The following IFT140 variants were observed in gnomAD, a reference collection of about 807,000 sequenced individuals.
IFT140 encodes intraflagellar transport 140, also known as intraflagellar transport protein 140 homolog.
Under a neutral mutation model 164.6 loss-of-function variants are expected in IFT140, and 133 were observed. The ratio of observed to expected loss-of-function variants is 0.81; its 90% CI spans 0.70 to 0.93. IFT140 has a LOEUF of 0.93. Among genes scored for constraint, IFT140 ranks in the 40% least tolerant of loss-of-function variants. The pLI, the probability that IFT140 is intolerant of heterozygous loss-of-function variation, is 0.00. For missense variants in IFT140, 2,045 were observed against 1,972.3 expected (o/e 1.04, Z -0.70); for synonymous variants, 860 against 817.3 (o/e 1.05, Z -0.89).
At position 1,607,157 on chromosome 16, in the gene IFT140, G is replaced by C. The variant is rs1487413546; in HGVS notation, c.110C>G (p.Thr37Arg). 1 of 1,614,192 alleles carries C rather than the reference G, an allele frequency of 6.2e-7. No individual in the cohort carries two copies. Among genetic ancestry groups the C allele is most frequent in the Admixed American group, 1.7e-5 (1 of 60,018 alleles). The change falls in exon 3 of 31, where the codon ACA (threonine) becomes AGA (arginine). Residue 37 changes from threonine (T) to arginine (R), a missense_variant. By Grantham distance (71) the Thr-to-Arg change is moderately conservative (BLOSUM62 -1). Coordinates refer to ENST00000426508, the MANE Select transcript of IFT140 (RefSeq NM_014714.4). ...AATATCCACGCTGCCTGTTGAGGTT[G>C]TGCTGATGTAAGCAACTGCCAAGAA... ...HPFLAVAYIS[T>R]TSTGSVDIYL...
intron 19 of IFT140, among the ~76,000 whole-genome samples, chr16:1,556,815 T>C (rs35910172): frequency 3.9e-5 from 6 of 152,214 alleles, no homozygotes; most frequent in Non-Finnish European, 7.3e-5. Flanking sequence ...TTTTGTTTTG[T>C]TTTGTTTTCT....
At chr16:1,552,889 G>A (rs754239642) in intron 19 of IFT140, 7 of 827,364 alleles carry the variant, frequency 8.5e-6, no homozygotes, top group Non-Finnish European at 1.0e-5. Context: ...TCGTGACCTC[G>A]TGATCCACCC....
At chr16:1,608,407 T>C (rs1319638089) in intron 2 of IFT140, among the ~76,000 whole-genome samples, 4 of 151,996 alleles carry the variant, frequency 2.6e-5, no homozygotes, top group African/African-American at 9.7e-5. Context: ...GGTGGGCAGA[T>C]TGCCTGAGCT....
Position 1,524,912 on chromosome 16 carries a change from G to C in IFT140, c.2869C>G (p.Leu957Val), listed in dbSNP as rs1468100440. The change falls in exon 23 of 31, where the codon CTG becomes GTG. Residue 957 changes from leucine to valine, a missense_variant. Transcript: ENST00000426508. Reference sequence around the variant, plus strand: ...AGGTACTGCGCCCACCACCGCCACAGGGTCCTGCGGGCAGCCCAAGACCAT... The same window carrying C: ...AGGTACTGCGCCCACCACCGCCACACGGTCCTGCGGGCAGCCCAAGACCAT... ...LYVNKMKDKT[L>V]WRWWAQYLES... The C allele has an allele frequency of 6.2e-7, 1 of 1,605,314 alleles. No individual in the cohort carries two copies. Among genetic ancestry groups the C allele is most frequent in the Admixed American group, 1.7e-5 (1 of 59,930 alleles).
At chr16:1,567,234 C>T (rs570666717) in intron 15 of IFT140, among the ~76,000 whole-genome samples, 21 of 152,336 alleles carry the variant, frequency 1.4e-4, no homozygotes, top group Admixed American at 1.2e-3. Context: ...CACCCACCGA[C>T]CCTTTGATTC....
chr16:1,515,586 T>TG (rs1267795945), intron 30 of IFT140, among the ~76,000 whole-genome samples: 3 of 151,900 alleles, frequency 2.0e-5, no homozygotes, highest in Non-Finnish European at 2.9e-5. Flanking sequence ...TTTTCAGAGA[T>TG]GGGGTCTCAC....
Position 1,551,927 on chromosome 16 carries a change from TC to T in IFT140, c.2399+6007del, listed in dbSNP as rs1429191449. The stretch of plus-strand genomic sequence containing the variant: ...CCTCCCGGGTGTGTCCCTGGTGATG[TC>T]CCCGGGGCCTCTCCCTGGTGACGTG... On this transcript the variant is annotated intron_variant, in intron 19 of 30. Transcript: ENST00000426508. This position sits in a 1 kb window ranked among gnomAD's most constrained non-coding sequence, Gnocchi z 4.0. 1.3e-5 allele frequency among the ~76,000 whole-genome samples: 2 copies of T among 152,078 alleles called. No individual in the cohort carries two copies. The highest frequency in any genetic ancestry group is 4.8e-5 in the African/African-American group (2 of 41,396).
At position 1,602,514 on chromosome 16, in the gene IFT140, C is replaced by G; in HGVS notation, c.225G>C (p.Val75=). 1 of 1,614,158 alleles carries G rather than the reference C, an allele frequency of 6.2e-7. No individual in the cohort carries two copies. Among genetic ancestry groups the G allele is most frequent in the Non-Finnish European group, 8.5e-7 (1 of 1,180,020 alleles). Residue 75 remains valine (V), a synonymous_variant, in exon 4 of 31, where the codon GTG becomes GTC. Coordinates refer to ENST00000426508, the MANE Select transcript of IFT140 (RefSeq NM_014714.4). ...CTCCAGTCTCCCAGCCCACAGCCAG[C>G]ACCAGCCGCGTCGGGTGCCAGCACA... ...ASLCWHPTRL[V]LAVGWETGEV...
intron 22 of IFT140, 35 bp from the exon 23 acceptor site, chr16:1,524,951 G>A (rs1225621189): frequency 1.1e-5 from 18 of 1,580,514 alleles, no homozygotes; most frequent in South Asian, 2.2e-5. Context: ...TTCTCCACCC[G>A]AGCCCCGCTC....
intron 19 of IFT140, among the ~76,000 whole-genome samples, chr16:1,544,863 T>G (rs1236889115): frequency 2.6e-5 from 4 of 151,940 alleles, no homozygotes; most frequent in African/African-American, 4.8e-5. Flanking sequence ...TTAGCCAGGA[T>G]GGTCTCGATC....
intron 19 of IFT140, among the ~76,000 whole-genome samples, chr16:1,544,009 C>A (rs979650781): frequency 6.6e-6 from 1 of 151,758 alleles, no homozygotes; most frequent in African/African-American, 2.4e-5. Flanking sequence ...CCCAATGGAT[C>A]ACTACATTTC....
chr16:1,607,873 T>G (rs1294777048), intron 2 of IFT140, among the ~76,000 whole-genome samples: 1 of 152,212 alleles, frequency 6.6e-6, no homozygotes, highest in African/African-American at 2.4e-5. Context: ...CTTGAACCCC[T>G]GGCTCAGGTA....
At chr16:1,544,135 A>G (rs1224726845) in intron 19 of IFT140, among the ~76,000 whole-genome samples, 2 of 149,788 alleles carry the variant, frequency 1.3e-5, no homozygotes, top group Admixed American at 6.7e-5. Flanking sequence ...CTCCTGCCTC[A>G]GCCTCCCGTG....
intron 19 of IFT140, among the ~76,000 whole-genome samples, chr16:1,544,538 C>A (rs919599954): frequency 2.6e-5 from 4 of 151,976 alleles, no homozygotes; most frequent in Admixed American, 2.6e-4. Context: ...CCATGTTGGT[C>A]CAGCTGGTCT....
intron 15 of IFT140, among the ~76,000 whole-genome samples, chr16:1,567,695 C>T (rs960514964): frequency 4.6e-5 from 7 of 152,208 alleles, no homozygotes; most frequent in African/African-American, 9.7e-5. Flanking sequence ...CCCGCACCAG[C>T]GGAAGGGAAG....
intron 19 of IFT140, among the ~76,000 whole-genome samples, chr16:1,539,668 C>T (rs533685917): frequency 5.3e-5 from 8 of 152,358 alleles, no homozygotes; most frequent in South Asian, 2.1e-4. Flanking sequence ...CTCTCAGTTA[C>T]GTGGCAGTGA....
chr16:1,534,093 G>T, intron 19 of IFT140: 1 of 685,332 alleles, frequency 1.5e-6, no homozygotes. Context: ...GGTGCAGGAA[G>T]GAGGATAAGG....
intron 22 of IFT140, 146 bp from the exon 23 acceptor site, chr16:1,525,062 T>C: frequency 7.6e-7 from 1 of 1,321,162 alleles, no homozygotes; most frequent in East Asian, 2.4e-5. Flanking sequence ...CCTGGCTTTG[T>C]CCAAAGGGAG....
chr16:1,518,149 C>A, intron 30 of IFT140, 67 bp downstream of exon 30: 1 of 1,528,348 alleles, frequency 6.5e-7, no homozygotes, highest in Non-Finnish European at 8.9e-7. Flanking sequence ...CAGTTTGAGC[C>A]GTTAAGCCTT....
Sources: gnomAD v4.1 joint callset for allele counts (sites outside exome capture counted in the v4.1 genomes callset) on GRCh38, gnomAD v4.1.1 for gene constraint, Gnocchi (gnomAD v3.1) non-coding constraint, MANE v1.5 for transcripts, NCBI Gene and HGNC (gene_info 2026-07-23, HGNC 2026-07-21) for gene names.